Variants in DPYD observed in about 807,000 individuals in gnomAD.
The protein encoded by DPYD is dihydropyrimidine dehydrogenase.
Under a neutral mutation model 116.2 loss-of-function variants are expected in DPYD, and 109 were observed. That is an observed-to-expected ratio of 0.94 (90% CI 0.80 to 1.10). The LOEUF (loss-of-function observed/expected upper bound fraction) is 1.10. DPYD is among the 50% of genes least tolerant of loss of function. DPYD has a pLI of 0.00. For synonymous variants in DPYD, 440 were observed against 432.0 expected (o/e 1.02, Z -0.23); for missense variants, 1,302 against 1,254.5 (o/e 1.04, Z -0.57).
intron 2 of DPYD, among the ~76,000 whole-genome samples, chr1:97,845,250 A>C (rs1311868004): frequency 7.2e-5 from 11 of 152,182 alleles, no homozygotes; most frequent in Non-Finnish European, 1.5e-4. Context: ...TAGAACTTAC[A>C]GTGCTTTTTC....
chr1:97,813,945 CA>C (rs1668452071), intron 3 of DPYD, among the ~76,000 whole-genome samples: 2 of 151,694 alleles, frequency 1.3e-5, no homozygotes, highest in Non-Finnish European at 2.9e-5. Context: ...CACACACACA[CA>C]CACACACACC....
At chr1:97,802,616 T>C (rs61786610) in intron 3 of DPYD, among the ~76,000 whole-genome samples, 3,026 of 152,032 alleles carry the variant, frequency 0.02, 52 homozygotes, top group Non-Finnish European at 0.031. Flanking sequence ...CTTTTCAAGA[T>C]TCACTGTCAA....
Position 97,721,231 on chromosome 1 carries a change from G to T in DPYD, c.483+279C>A, listed in dbSNP as rs79063448. Among the ~76,000 whole-genome samples, 1,707 of 151,772 alleles carry T rather than the reference G, an allele frequency of 0.011. 32 individuals carry two copies. Among genetic ancestry groups the T allele is most frequent in the African/African-American group, 0.038 (1,595 of 41,452 alleles). On this transcript the variant is annotated intron_variant, in intron 5 of 22. Transcript: ENST00000370192. ...TGCCATACTTCCACATAAAGTTAAT[G>T]AATAAGTTCTATTTTCGGATCATCT...
chr1:97,907,050 G>GACT (rs1204565426), intron 1 of DPYD, among the ~76,000 whole-genome samples: 1 of 152,042 alleles, frequency 6.6e-6, no homozygotes, highest in Non-Finnish European at 1.5e-5. Context: ...AGCAGGCAGG[G>GACT]AGCTTAGAAA....
chr1:97,664,320 A>G (rs1659434087), intron 8 of DPYD, among the ~76,000 whole-genome samples: 1 of 151,808 alleles, frequency 6.6e-6, no homozygotes. Context: ...GTATGTGCAT[A>G]TATATGTGTG....
chr1:97,381,251 T>G (rs762810084), intron 15 of DPYD, among the ~76,000 whole-genome samples: 4 of 152,178 alleles, frequency 2.6e-5, no homozygotes, highest in Non-Finnish European at 4.4e-5. Context: ...TATCTTTAGG[T>G]TAGCTAGTTT....
chr1:97,441,245 A>T (rs1227688843), intron 14 of DPYD, among the ~76,000 whole-genome samples: 1 of 151,886 alleles, frequency 6.6e-6, no homozygotes, highest in Non-Finnish European at 1.5e-5. Context: ...GGAGGTTTGT[A>T]GTTTTAGGCA....
chr1:97,901,967 T>C (rs1673390139), intron 1 of DPYD, among the ~76,000 whole-genome samples: 1 of 151,860 alleles, frequency 6.6e-6, no homozygotes, highest in South Asian at 2.1e-4. Context: ...CATATATTAT[T>C]AAACCCTCAA....
intron 13 of DPYD, among the ~76,000 whole-genome samples, chr1:97,466,762 G>A (rs1267729579): frequency 6.6e-6 from 1 of 152,004 alleles, no homozygotes; most frequent in Non-Finnish European, 1.5e-5. Flanking sequence ...CATATTAAAG[G>A]CCACCAGGCA....
intron 14 of DPYD, among the ~76,000 whole-genome samples, chr1:97,444,830 TGAGAAAACATTTA>T (rs1675988923): frequency 6.6e-6 from 1 of 152,110 alleles, no homozygotes; most frequent in Admixed American, 6.5e-5. Context: ...TAAACTTGGG[TGAGAAAACATTTA>T]GACTTTTATT....
chr1:97,843,826 A>G (rs1446339926), intron 2 of DPYD, among the ~76,000 whole-genome samples: 2 of 152,174 alleles, frequency 1.3e-5, no homozygotes, highest in African/African-American at 4.8e-5. Flanking sequence ...ATCTGCCCTC[A>G]TAAGCTTACA....
intron 13 of DPYD, among the ~76,000 whole-genome samples, chr1:97,512,395 G>C (rs1190571134): frequency 6.6e-6 from 1 of 151,828 alleles, no homozygotes; most frequent in Non-Finnish European, 1.5e-5. Context: ...GTTAATCTAT[G>C]TATAGAAAGG....
At chr1:97,446,469 T>C (rs1342015954) in intron 14 of DPYD, among the ~76,000 whole-genome samples, 2 of 152,212 alleles carry the variant, frequency 1.3e-5, no homozygotes. Flanking sequence ...TTGAACCCAA[T>C]GTGTACAATG....
chr1:97,644,937 C>A (rs1238083466), intron 8 of DPYD, among the ~76,000 whole-genome samples: 3 of 152,000 alleles, frequency 2.0e-5, no homozygotes. Context: ...AATGCATACA[C>A]AAGAAAAATT....
At chr1:97,241,851 A>G (rs1468312988) in intron 18 of DPYD, among the ~76,000 whole-genome samples, 1 of 151,800 alleles carries the variant, frequency 6.6e-6, no homozygotes, top group African/African-American at 2.4e-5. Flanking sequence ...TAATGTGTAT[A>G]AGCTAATATT....
At chr1:97,814,525 CA>C (rs2101407867) in intron 3 of DPYD, among the ~76,000 whole-genome samples, 1 of 152,204 alleles carries the variant, frequency 6.6e-6, no homozygotes, top group East Asian at 1.9e-4. Context: ...ATAGCTTTAA[CA>C]GGAATTTTTA....
rs191371959 is a variant in DPYD at position 97,813,962 on chromosome 1, A to T, written c.233+14152T>A. 1.2e-3 allele frequency among the ~76,000 whole-genome samples: 174 copies of T among 149,322 alleles called. 1 individual carries two copies. Among genetic ancestry groups the T allele is most frequent in the Non-Finnish European group, 1.8e-3 (121 of 67,404 alleles). ...CACACACACACACACACACCCCTAAAATTTTCTGAGAGGTAATGAGTTCTG... is the reference window on the plus strand; with the variant it reads ...CACACACACACACACACACCCCTAATATTTTCTGAGAGGTAATGAGTTCTG... On this transcript the variant is annotated intron_variant, in intron 3 of 22. Transcript: ENST00000370192.
intron 2 of DPYD, among the ~76,000 whole-genome samples, chr1:97,854,470 G>C (rs1447971468): frequency 6.6e-6 from 1 of 152,152 alleles, no homozygotes; most frequent in African/African-American, 2.4e-5. Context: ...AAGCTCAGGT[G>C]CCCCAACACT....
chr1:97,286,977 T>C (rs534255311), intron 18 of DPYD, among the ~76,000 whole-genome samples: 14 of 152,358 alleles, frequency 9.2e-5, no homozygotes, highest in Middle Eastern at 6.8e-3. Context: ...CTGCGTTCCA[T>C]TGGAGGAGGA....
Sources: gnomAD v4.1 joint callset for allele counts (sites outside exome capture counted in the v4.1 genomes callset) on GRCh38, gnomAD v4.1.1 for gene constraint, MANE v1.5 for transcripts, NCBI Gene and HGNC (gene_info 2026-07-23, HGNC 2026-07-21) for gene names.